Variants in PRDM6 observed in about 807,000 individuals in gnomAD.
PRDM6 encodes putative histone-lysine N-methyltransferase PRDM6.
In PRDM6, 25 loss-of-function variants were observed where a neutral mutation model predicts 60.8. The ratio of observed to expected loss-of-function variants is 0.41; its 90% CI spans 0.30 to 0.57. The LOEUF (loss-of-function observed/expected upper bound fraction) is 0.57, where lower values mean the gene tolerates loss of function less well. Among genes scored for constraint, PRDM6 ranks in the 20% least tolerant of loss-of-function variants. The pLI is 0.27. For synonymous variants in PRDM6, 407 were observed against 357.4 expected, an observed-to-expected ratio of 1.14 and a Z score of -1.57; for missense variants, 839 against 821.3, an observed-to-expected ratio of 1.02 and a Z score of -0.26.
At chr5:123,111,120 T>G (rs1489460841) in intron 3 of PRDM6, among the ~76,000 whole-genome samples, 1 of 152,210 alleles carries the variant, frequency 6.6e-6, no homozygotes, top group African/African-American at 2.4e-5. Context: ...TGGAGATTGG[T>G]TGCATAACGA....
intron 5 of PRDM6, among the ~76,000 whole-genome samples, chr5:123,162,687 C>T (rs570899219): frequency 2.0e-5 from 3 of 152,272 alleles, no homozygotes; most frequent in African/African-American, 7.2e-5. Context: ...AATCCCCTTT[C>T]CCCCAAGGGT....
At chr5:123,098,992 C>A (rs963355217) in intron 2 of PRDM6, among the ~76,000 whole-genome samples, 2 of 151,608 alleles carry the variant, frequency 1.3e-5, no homozygotes, top group African/African-American at 4.9e-5. Flanking sequence ...GTTTGGGAGG[C>A]AGTCGAGGAA....
chr5:123,100,784 A>G (rs1287371959), intron 3 of PRDM6, among the ~76,000 whole-genome samples: 1 of 152,234 alleles, frequency 6.6e-6, no homozygotes, highest in African/African-American at 2.4e-5. Context: ...TTCTCCCAAA[A>G]CATCATGGTG....
intron 3 of PRDM6, among the ~76,000 whole-genome samples, chr5:123,126,419 T>C (rs1312014389): frequency 6.6e-6 from 1 of 151,790 alleles, no homozygotes; most frequent in African/African-American, 2.4e-5. Flanking sequence ...GAAATTAATA[T>C]AGCATCTCCT....
At chr5:123,122,855 A>G (rs777338768) in intron 3 of PRDM6, among the ~76,000 whole-genome samples, 1 of 152,192 alleles carries the variant, frequency 6.6e-6, no homozygotes, top group Non-Finnish European at 1.5e-5. Flanking sequence ...ATATTGTAAA[A>G]TGTTTTAAAT....
intron 3 of PRDM6, among the ~76,000 whole-genome samples, chr5:123,103,968 C>T (rs1055313007): frequency 2.6e-5 from 4 of 152,068 alleles, no homozygotes; most frequent in East Asian, 3.8e-4. Context: ...TTTAATTTTA[C>T]AGAACCTGTC....
intron 6 of PRDM6, among the ~76,000 whole-genome samples, chr5:123,173,738 G>A (rs1765947924): frequency 6.6e-6 from 1 of 152,098 alleles, no homozygotes; most frequent in Non-Finnish European, 1.5e-5. Flanking sequence ...TGAAGATAAG[G>A]GGAAATAGAG....
rs980842009 is a variant in PRDM6, at chr5:123,091,297, C to T, written c.592+691C>T. ...TGAGAAGAAAATTTCTGTTCTCCTC[C>T]GATTCCGCTGATCCCGCTTTATCCG... On this transcript the variant is annotated intron_variant, in intron 2 of 7. Transcript: ENST00000407847. 3.9e-5 allele frequency among the ~76,000 whole-genome samples: 6 copies of T among 152,306 alleles called. No individual in the cohort carries two copies. The East Asian group carries it at 1.2e-3, about 29-fold the overall frequency.
intron 6 of PRDM6, among the ~76,000 whole-genome samples, chr5:123,174,083 G>C (rs975917179): frequency 7.9e-5 from 12 of 152,136 alleles, no homozygotes; most frequent in African/African-American, 2.9e-4. Context: ...GAAGAGTTTT[G>C]GATTTTGGGT....
rs1766434998 is a variant in PRDM6 at position 123,191,622 on chromosome 5, G to C, written c.*4421G>C. ...TAAGTTCCAGAAATGTTATTCACTT[G>C]TCAGGATCCTTTTAAGGTGAAGAGC... is the stretch of plus-strand genomic sequence containing the variant. On this transcript the variant is annotated 3_prime_UTR_variant, in exon 8 of 8. Coordinates refer to ENST00000407847, the MANE Select transcript of PRDM6 (RefSeq NM_001136239.4). 1 of 152,020 alleles carries C rather than the reference G, an allele frequency of 6.6e-6. No homozygotes were observed. The highest frequency in any genetic ancestry group is 6.6e-5 in the Admixed American group (1 of 15,246). 9.4% of individuals were successfully genotyped at this position (152,020 alleles called of 1,614,324 possible).
chr5:123,133,042 T>C (rs1342300514), intron 3 of PRDM6, among the ~76,000 whole-genome samples: 1 of 152,092 alleles, frequency 6.6e-6, no homozygotes, highest in Non-Finnish European at 1.5e-5. Flanking sequence ...TAGTAAAGGC[T>C]ATGTCAGGAG....
intron 5 of PRDM6, among the ~76,000 whole-genome samples, chr5:123,170,391 C>G (rs557464481): frequency 6.6e-6 from 1 of 152,222 alleles, no homozygotes; most frequent in Admixed American, 6.5e-5. Flanking sequence ...CAGGGCTACC[C>G]TCTCTGGGCA....
rs984301012 is a variant in PRDM6, at chr5:123,189,987, G to T, written c.*2786G>T. The T allele has an allele frequency of 6.6e-6, 1 of 152,212 alleles. No individual in the cohort carries two copies. Among genetic ancestry groups the T allele is most frequent in the African/African-American group, 2.4e-5 (1 of 41,456 alleles). 9.4% of individuals were successfully genotyped at this position (152,212 alleles called of 1,614,324 possible). On this transcript the variant is annotated 3_prime_UTR_variant, in exon 8 of 8. Coordinates refer to ENST00000407847, the MANE Select transcript of PRDM6 (RefSeq NM_001136239.4). ...CACAGTCCCCTGGGATACAGCAAATGGGTGGTAGAAATTGCAGTCGTAAAA... is the reference window on the plus strand; with the variant it reads ...CACAGTCCCCTGGGATACAGCAAATTGGTGGTAGAAATTGCAGTCGTAAAA...
intron 3 of PRDM6, among the ~76,000 whole-genome samples, chr5:123,106,107 A>G (rs1050467400): frequency 2.0e-5 from 3 of 152,246 alleles, no homozygotes; most frequent in Admixed American, 2.0e-4. Context: ...AGCACCACTG[A>G]CAGAGGCCAA....
At chr5:123,157,514 G>C (rs1303586804) in intron 4 of PRDM6, among the ~76,000 whole-genome samples, 1 of 152,034 alleles carries the variant, frequency 6.6e-6, no homozygotes, top group Non-Finnish European at 1.5e-5. Flanking sequence ...ATATTAAGTG[G>C]GTTTTTTACA....
intron 7 of PRDM6, among the ~76,000 whole-genome samples, chr5:123,184,121 G>C (rs551006950): frequency 1.1e-4 from 16 of 152,218 alleles, no homozygotes; most frequent in African/African-American, 3.9e-4. Flanking sequence ...AATATGCATT[G>C]AACACATCAT....
intron 5 of PRDM6, among the ~76,000 whole-genome samples, chr5:123,170,167 T>G (rs1456942721): frequency 6.6e-6 from 1 of 152,164 alleles, no homozygotes; most frequent in African/African-American, 2.4e-5. Flanking sequence ...TCCCATGCCC[T>G]GCTCAGTCAG....
At chr5:123,129,420 C>A (rs976832996) in intron 3 of PRDM6, among the ~76,000 whole-genome samples, 3 of 152,038 alleles carry the variant, frequency 2.0e-5, no homozygotes, top group Non-Finnish European at 4.4e-5. Context: ...CATTTGTTAG[C>A]GTCCTCTTGT....
chr5:123,090,480 G>T lies in PRDM6; in HGVS notation c.466G>T (p.Gly156Cys). The T allele has an allele frequency of 6.7e-7, 1 of 1,484,818 alleles. No homozygotes were observed. The highest frequency in any genetic ancestry group is 1.5e-5 in the African/African-American group (1 of 68,406). The allele number at this position is 1,484,818 out of a possible 1,614,324, so 92.0% of individuals were successfully genotyped here. The part of the protein sequence containing the change: ...GPVKCGGGGG[G>C]GGEGRGAPRF... ...CGTCAAGTGCGGTGGTGGTGGCGGC[G>T]GCGGCGGGGAGGGTCGCGGCGCCCC... Residue 156 changes from glycine (G) to cysteine (C), a missense_variant, in exon 2 of 8, where the codon GGC becomes TGC. Gly to Cys is a radical substitution (Grantham distance 159). Transcript: ENST00000407847.
Sources: gnomAD v4.1 joint callset for allele counts (sites outside exome capture counted in the v4.1 genomes callset) on GRCh38, gnomAD v4.1.1 for gene constraint, MANE v1.5 for transcripts, NCBI Gene and HGNC (gene_info 2026-07-23, HGNC 2026-07-21) for gene names.